Variants in DAB2IP observed in about 807,000 individuals in gnomAD.
DAB2IP encodes the protein disabled homolog 2-interacting protein.
DAB2IP carries 28 observed loss-of-function variants against 107.2 expected under a neutral mutation model. The observed-to-expected ratio is 0.26, with a 90% CI of 0.19 to 0.36. The LOEUF is 0.36. Ranked by LOEUF, DAB2IP falls within the 10% of genes least tolerant of loss-of-function variation. The pLI is 1.00. For synonymous variants in DAB2IP, 755 were observed against 706.4 expected (o/e 1.07, Z -1.09); for missense variants, 1,400 against 1,644.7 (o/e 0.85, Z 2.57).
chr9:121,772,963 C>T lies in DAB2IP; in HGVS notation c.2435C>T (p.Thr812Ile), dbSNP rs750886157. 1.9e-6 allele frequency: 3 copies of T among 1,587,860 alleles called. No individual in the cohort carries two copies. The highest frequency in any genetic ancestry group is 2.3e-5 in the South Asian group (2 of 86,838). Residue 812 changes from threonine (T) to isoleucine (I), a missense_variant, in exon 12 of 16, where the codon ACC (threonine) becomes ATC (isoleucine). Transcript: ENST00000408936. The surrounding 1 kb of genome is among the most constrained non-coding windows in gnomAD (Gnocchi z 4.7). ...GGCCAGACACCAACCACACCAGGCA[C>T]CTCCGAGGGCGCGCCAGGCCGGCCC...
At chr9:121,716,102 G>C (rs1045941120) in intron 3 of DAB2IP, among the ~76,000 whole-genome samples, 1 of 152,212 alleles carries the variant, frequency 6.6e-6, no homozygotes, top group Non-Finnish European at 1.5e-5. Flanking sequence ...CTGTATTCCT[G>C]ACAAGCCCCA....
intron 14 of DAB2IP, among the ~76,000 whole-genome samples, chr9:121,781,053 G>T (rs144877018): frequency 1.3e-5 from 2 of 152,198 alleles, no homozygotes; most frequent in Non-Finnish European, 1.5e-5. Flanking sequence ...GGCACCTCGC[G>T]TACAACTTTG....
At chr9:121,706,436 A>G (rs1175354538) in intron 3 of DAB2IP, among the ~76,000 whole-genome samples, 1 of 149,720 alleles carries the variant, frequency 6.7e-6, no homozygotes, top group African/African-American at 2.5e-5. Context: ...CAAGGGCCCA[A>G]CTCCCTCCCC....
At chr9:121,685,885 C>T (rs140532650) in intron 2 of DAB2IP, among the ~76,000 whole-genome samples, 2 of 152,294 alleles carry the variant, frequency 1.3e-5, no homozygotes, top group South Asian at 2.1e-4. Context: ...AGGAACTGAG[C>T]GCAGTTTGGG....
chr9:121,624,921 A>G (rs1263636475), intron 1 of DAB2IP, among the ~76,000 whole-genome samples: 2 of 152,102 alleles, frequency 1.3e-5, no homozygotes, highest in Non-Finnish European at 2.9e-5. Flanking sequence ...TGTTGTGGGG[A>G]TTTAGGGGGC....
chr9:121,608,624 T>C (rs1830973385), intron 1 of DAB2IP, among the ~76,000 whole-genome samples: 1 of 152,112 alleles, frequency 6.6e-6, no homozygotes, highest in Non-Finnish European at 1.5e-5. Flanking sequence ...ATGATAAGGA[T>C]AGTGAACATA....
intron 3 of DAB2IP, chr9:121,750,923 G>C (rs1833070555): frequency 6.4e-6 from 1 of 156,032 alleles, no homozygotes. Flanking sequence ...AGCTGCTGTT[G>C]GGCCCTGGCG....
intron 1 of DAB2IP, among the ~76,000 whole-genome samples, chr9:121,589,120 G>A (rs1830371332): frequency 6.6e-6 from 1 of 152,012 alleles, no homozygotes; most frequent in South Asian, 2.1e-4. Flanking sequence ...CCCACCCCCG[G>A]CGTGATATGA....
chr9:121,733,049 A>C (rs1235629318), intron 3 of DAB2IP, among the ~76,000 whole-genome samples: 1 of 152,172 alleles, frequency 6.6e-6, no homozygotes, highest in East Asian at 1.9e-4. Flanking sequence ...TCTCACCTTC[A>C]GCTAAGTACA....
chr9:121,638,689 G>A (rs1832173073), intron 1 of DAB2IP, among the ~76,000 whole-genome samples: 1 of 152,160 alleles, frequency 6.6e-6, no homozygotes, highest in South Asian at 2.1e-4. Context: ...CACTCTGGCT[G>A]TTTTATGGAG....
intron 1 of DAB2IP, among the ~76,000 whole-genome samples, chr9:121,568,988 G>T (rs924070641): frequency 4.6e-5 from 7 of 152,212 alleles, no homozygotes; most frequent in Non-Finnish European, 1.0e-4. Context: ...GGGAGGTAAG[G>T]GATTCAAGAG....
chr9:121,644,614 AAAAG>A (rs992743842), intron 1 of DAB2IP, among the ~76,000 whole-genome samples: 5 of 152,170 alleles, frequency 3.3e-5, no homozygotes, highest in South Asian at 2.1e-4. Flanking sequence ...AAAAAATAAA[AAAAG>A]AGAGAGAGAG....
intron 1 of DAB2IP, among the ~76,000 whole-genome samples, chr9:121,665,406 A>G (rs1272092735): frequency 2.0e-5 from 3 of 152,216 alleles, no homozygotes; most frequent in Admixed American, 1.3e-4. Flanking sequence ...ATTTGGGGGG[A>G]AAATAGTTTA....
chr9:121,759,897 C>T lies in DAB2IP; in HGVS notation c.628C>T (p.Arg210Cys), dbSNP rs1167517752. The T allele has an allele frequency of 1.9e-6, 3 of 1,612,942 alleles. No individual in the cohort carries two copies. The highest frequency in any genetic ancestry group is 2.5e-6 in the Non-Finnish European group (3 of 1,179,232). Residue 210 changes from arginine to cysteine, a missense_variant, in exon 6 of 16, where the codon CGT becomes TGT. Arg to Cys is a radical substitution (Grantham distance 180). This residue lies in a region of DAB2IP where 517 missense variants were observed against 748.6 expected (regional missense o/e 0.69). Coordinates refer to ENST00000408936, the Ensembl canonical transcript of DAB2IP. ...CGTGCACATACAGGACAACAGCCGG[C>T]GTGTGGAGCACATCCTGAAGCTGTG...
At chr9:121,571,884 C>T (rs1265537463) in intron 1 of DAB2IP, among the ~76,000 whole-genome samples, 1 of 151,992 alleles carries the variant, frequency 6.6e-6, no homozygotes, top group Non-Finnish European at 1.5e-5. Flanking sequence ...CAGTCAGAGG[C>T]AGGAAGGTGA....
Position 121,776,003 on chromosome 9 carries a change from G to A in DAB2IP, c.3121-195G>A, listed in dbSNP as rs1835173139. Among the ~76,000 whole-genome samples, 1 of 152,204 alleles carries A rather than the reference G, an allele frequency of 6.6e-6. No homozygotes were observed. Among genetic ancestry groups the A allele is most frequent in the Non-Finnish European group, 1.5e-5 (1 of 68,034 alleles). On this transcript the variant is annotated intron_variant, in intron 13 of 15. Coordinates refer to ENST00000408936, the Ensembl canonical transcript of DAB2IP. The surrounding 1 kb of genome is among the most constrained non-coding windows in gnomAD (Gnocchi z 5.4). The stretch of plus-strand genomic sequence containing the variant: ...TTTGGAGTGGAGGCCCCACGGTGGG[G>A]CACAGGCACGCGTCTGGCTGCAGCC...
At chr9:121,570,528 G>A (rs895669288) in intron 1 of DAB2IP, among the ~76,000 whole-genome samples, 1 of 151,786 alleles carries the variant, frequency 6.6e-6, no homozygotes, top group Non-Finnish European at 1.5e-5. Context: ...GGATGGGAGG[G>A]ATACACATGT....
chr9:121,567,308 G>C (rs1460992492), intron 1 of DAB2IP: 2 of 1,600,882 alleles, frequency 1.2e-6, no homozygotes, highest in African/African-American at 2.7e-5. Context: ...ATAGGAATCT[G>C]AGTTGAAGCA....
chr9:121,596,384 C>T (rs1049548863), intron 1 of DAB2IP, among the ~76,000 whole-genome samples: 2 of 152,112 alleles, frequency 1.3e-5, no homozygotes, highest in Non-Finnish European at 2.9e-5. Flanking sequence ...TGTGGTGCCA[C>T]TGCACCTGTG....
Sources: allele counts gnomAD v4.1 joint callset (sites outside exome capture counted in the v4.1 genomes callset), GRCh38; gene constraint gnomAD v4.1.1; regional missense constraint gnomAD v4.1.1; non-coding constraint Gnocchi (gnomAD v3.1); transcripts MANE v1.5; gene names NCBI Gene and HGNC (gene_info 2026-07-23, HGNC 2026-07-21).